HECW1: variants seen among roughly 807,000 people sequenced by gnomAD.
HECW1 encodes the protein HECT, C2 and WW domain containing E3 ubiquitin protein ligase 1.
In HECW1, 61 loss-of-function variants were observed where a neutral mutation model predicts 182.3. That is an observed-to-expected ratio of 0.33 (90% CI 0.27 to 0.41). The LOEUF (loss-of-function observed/expected upper bound fraction) is 0.41. Among genes scored for constraint, HECW1 ranks in the 10% least tolerant of loss-of-function variants. HECW1 has a pLI of 1.00. For missense variants in HECW1, 1,739 were observed against 2,108.9 expected (o/e 0.82, Z 3.44); for synonymous variants, 859 against 832.6 (o/e 1.03, Z -0.55).
At chr7:43,344,563 T>C (rs571350309) in intron 5 of HECW1, among the ~76,000 whole-genome samples, 14 of 152,216 alleles carry the variant, frequency 9.2e-5, no homozygotes, top group Admixed American at 2.6e-4. Flanking sequence ...TTTGGATTCA[T>C]AGGGCTTTTT....
chr7:43,548,836 T>C (rs139757102), intron 26 of HECW1, among the ~76,000 whole-genome samples: 1 of 152,262 alleles, frequency 6.6e-6, no homozygotes, highest in East Asian at 1.9e-4. Flanking sequence ...CCCAGTTACT[T>C]GGGAGGCTGA....
At chr7:43,426,664 T>C (rs2076373068) in intron 8 of HECW1, among the ~76,000 whole-genome samples, 1 of 152,182 alleles carries the variant, frequency 6.6e-6, no homozygotes, top group South Asian at 2.1e-4. Context: ...TTTTTAAAAA[T>C]TTTCTTTGAT....
chr7:43,439,214 C>G (rs1258336637), intron 9 of HECW1: 1 of 152,136 alleles, frequency 6.6e-6, no homozygotes, highest in Non-Finnish European at 1.5e-5. Flanking sequence ...AATGGTATTC[C>G]TTGTGATCTT....
rs1263141030 is a variant in HECW1, at chr7:43,523,736, G to A, written c.4019+14615G>A. 3.9e-5 allele frequency among the ~76,000 whole-genome samples: 6 copies of A among 152,096 alleles called. 1 individual carries two copies. The South Asian group carries it at 8.3e-4, about 21-fold the overall frequency. On this transcript the variant is annotated intron_variant, in intron 24 of 29. Transcript: ENST00000395891. ...TGTACTTACTAATGAGAGAGGCGCC[G>A]AAAGCAAGAACCAGAGGGAGGGAGA...
chr7:43,200,910 C>T (rs925591843), intron 2 of HECW1, among the ~76,000 whole-genome samples: 35 of 152,130 alleles, frequency 2.3e-4, no homozygotes, highest in African/African-American at 7.7e-4. Context: ...CAAAGCGGCT[C>T]GATGGAAGGA....
chr7:43,543,797 AAG>A (rs2081454385), intron 26 of HECW1, among the ~76,000 whole-genome samples: 1 of 151,592 alleles, frequency 6.6e-6, no homozygotes, highest in Non-Finnish European at 1.5e-5. Flanking sequence ...AAAAAAAAAA[AAG>A]AAAAAAAAAG....
chr7:43,396,664 A>G, intron 6 of HECW1, 150 bp from the exon 7 acceptor site: 1 of 585,474 alleles, frequency 1.7e-6, no homozygotes, highest in Non-Finnish European at 3.1e-6. Context: ...GTTGCTAGAA[A>G]GTTGTTTTAA....
At chr7:43,382,643 C>T (rs2152828463) in intron 6 of HECW1, among the ~76,000 whole-genome samples, 1 of 152,286 alleles carries the variant, frequency 6.6e-6, no homozygotes, top group East Asian at 1.9e-4. Flanking sequence ...AGAATAGTAT[C>T]TGTAAGATGA....
At chr7:43,555,246 C>T (rs1041798072) in intron 29 of HECW1, among the ~76,000 whole-genome samples, 34 of 152,176 alleles carry the variant, frequency 2.2e-4, no homozygotes, top group African/African-American at 7.2e-4. Flanking sequence ...AGTTTTAGAA[C>T]ATGTGGGGAT....
intron 24 of HECW1, chr7:43,523,075 C>G (rs2080575563): frequency 2.3e-6 from 1 of 435,020 alleles, no homozygotes; most frequent in South Asian, 1.7e-5. Flanking sequence ...GCGATCTTGG[C>G]TCACTGCAAC....
intron 9 of HECW1, among the ~76,000 whole-genome samples, chr7:43,442,156 TC>T (rs1251956863): frequency 6.6e-6 from 1 of 152,234 alleles, no homozygotes; most frequent in Non-Finnish European, 1.5e-5. Context: ...ACATGAGATA[TC>T]CAATACTTTA....
chr7:43,480,216 C>T (rs766866575), intron 17 of HECW1, among the ~76,000 whole-genome samples: 10 of 152,120 alleles, frequency 6.6e-5, no homozygotes, highest in African/African-American at 2.4e-4. Context: ...TGCTCTATTC[C>T]CACTCTATTC....
At chr7:43,349,813 A>G (rs1814174061) in intron 5 of HECW1, among the ~76,000 whole-genome samples, 1 of 152,206 alleles carries the variant, frequency 6.6e-6, no homozygotes, top group South Asian at 2.1e-4. Context: ...GCGGTTCTGT[A>G]TCTTTTAAGT....
chr7:43,501,392 A>C, intron 21 of HECW1, 70 bp downstream of exon 21: 1 of 849,176 alleles, frequency 1.2e-6, no homozygotes, highest in Non-Finnish European at 2.0e-6. Context: ...AGGTGAATGA[A>C]AGGCAACTGT....
chr7:43,140,875 G>A (rs574981135), intron 2 of HECW1, among the ~76,000 whole-genome samples: 78 of 152,274 alleles, frequency 5.1e-4, no homozygotes, highest in African/African-American at 1.7e-3. Context: ...CTCTGCTCAC[G>A]TGGCCTTCTC....
rs367930122 is a variant in HECW1, at chr7:43,456,437, C to T, written c.2641C>T (p.Leu881Phe). Residue 881 changes from leucine (L) to phenylalanine (F), a missense_variant, in exon 13 of 30, where the codon CTC becomes TTC. Transcript: ENST00000395891. Reference protein sequence around the residue: ...RSGSIQQMEQLNRRYQNIQRT... With the variant: ...RSGSIQQMEQFNRRYQNIQRT... ...GGGGTCCATCCAGCAGATGGAGCAA[C>T]TCAACAGGCGGTTGGTGATCAGTAT... 54 of 1,613,646 alleles carry T rather than the reference C, an allele frequency of 3.3e-5. No homozygotes were observed. Among genetic ancestry groups the T allele is most frequent in the Non-Finnish European group, 4.1e-5 (48 of 1,179,820 alleles).
chr7:43,501,987 T>C (rs919854428), intron 21 of HECW1, among the ~76,000 whole-genome samples: 15 of 152,204 alleles, frequency 9.9e-5, no homozygotes, highest in Non-Finnish European at 1.8e-4. Context: ...CACACCAGAC[T>C]TGAGTAATAG....
chr7:43,361,905 C>G (rs1015418305), intron 6 of HECW1, among the ~76,000 whole-genome samples: 1 of 146,082 alleles, frequency 6.8e-6, no homozygotes, highest in Non-Finnish European at 1.5e-5. Context: ...CTTTGGGAGT[C>G]CCCAGGCAGG....
intron 5 of HECW1, among the ~76,000 whole-genome samples, chr7:43,338,306 CCT>C (rs1323423519): frequency 1.3e-5 from 2 of 152,070 alleles, no homozygotes; most frequent in African/African-American, 4.8e-5. Flanking sequence ...TGTGTGATGC[CCT>C]GTTTTCATAC....
Sources: allele counts gnomAD v4.1 joint callset (sites outside exome capture counted in the v4.1 genomes callset), GRCh38; gene constraint gnomAD v4.1.1; transcripts MANE v1.5; gene names NCBI Gene and HGNC (gene_info 2026-07-23, HGNC 2026-07-21).